Variants in ZNF558 observed in about 807,000 individuals in gnomAD.
ZNF558 encodes the protein zinc finger protein 558.
Under a neutral mutation model 37.6 loss-of-function variants are expected in ZNF558, and 23 were observed. The observed-to-expected ratio is 0.61, with a 90% CI of 0.44 to 0.87. The LOEUF is 0.87. Among genes scored for constraint, ZNF558 ranks in the 40% least tolerant of loss-of-function variants. ZNF558 has a pLI of 0.00. For missense variants in ZNF558, 429 were observed against 483.7 expected, an observed-to-expected ratio of 0.89 and a Z score of 1.06; for synonymous variants, 189 against 174.4, an observed-to-expected ratio of 1.08 and a Z score of -0.66.
chr19:8,821,840 C>T (rs2044100499), intron 6 of ZNF558, 163 bp downstream of exon 6: 36 of 1,470,106 alleles, frequency 2.4e-5, no homozygotes, highest in Non-Finnish European at 3.1e-5. Context: ...TGTTGACACA[C>T]ACTGACATTT....
chr19:8,813,569 G>C (rs782039950), intron 7 of ZNF558, among the ~76,000 whole-genome samples: 4 of 152,132 alleles, frequency 2.6e-5, no homozygotes, highest in Non-Finnish European at 4.4e-5. Flanking sequence ...ATATTGGCCA[G>C]GCAGGTCTTG....
At chr19:8,828,683 C>A (rs974083689) in intron 2 of ZNF558, among the ~76,000 whole-genome samples, 1 of 152,088 alleles carries the variant, frequency 6.6e-6, no homozygotes, top group Non-Finnish European at 1.5e-5. Flanking sequence ...CTTGCCTAGC[C>A]GGGCACGGTG....
Position 8,806,731 on chromosome 19 carries a change from A to T in ZNF558, c.*4550T>A, listed in dbSNP as rs2043707358. Reference sequence around the variant, plus strand: ...AAAAAAAAATATTCCCTCCCATTGGAAAACATTGTTGCCTTCAGTTTTGAA... The same window carrying T: ...AAAAAAAAATATTCCCTCCCATTGGTAAACATTGTTGCCTTCAGTTTTGAA... On this transcript the variant is annotated 3_prime_UTR_variant, in exon 10 of 10. Transcript: ENST00000601372. The T allele has an allele frequency of 1.3e-5, 2 of 151,754 alleles. No individual in the cohort carries two copies. The highest frequency in any genetic ancestry group is 4.8e-5 in the African/African-American group (2 of 41,318). The allele number at this position is 151,754 out of a possible 1,614,324, so 9.4% of individuals were successfully genotyped here. A position where few individuals can be genotyped will look rare whatever the true frequency, so the allele number is the denominator to read the frequency against.
At chr19:8,833,285 A>C (rs1042390843), upstream of ZNF558, 1 of 152,242 alleles carries the variant, frequency 6.6e-6, no homozygotes, top group Non-Finnish European at 1.5e-5. Flanking sequence ...TGCTTTCCCA[A>C]GGCAGAACAT....
intron 7 of ZNF558, among the ~76,000 whole-genome samples, chr19:8,817,240 A>T (rs973903543): frequency 2.0e-5 from 3 of 152,158 alleles, no homozygotes; most frequent in Admixed American, 2.0e-4. Flanking sequence ...AAATAACCCA[A>T]TTACAGATGG....
At chr19:8,824,834 C>G (rs1031678902) in intron 3 of ZNF558, among the ~76,000 whole-genome samples, 168 bp downstream of exon 3, 5 of 152,198 alleles carry the variant, frequency 3.3e-5, no homozygotes, top group Admixed American at 6.5e-5. Flanking sequence ...ATGAGCCCAT[C>G]CTTGGGGTAC....
At position 8,811,799 on chromosome 19, in the gene ZNF558, T is replaced by A. The variant is rs782080561; in HGVS notation, c.691A>T (p.Thr231Ser). 6.2e-7 allele frequency: 1 copy of A among 1,614,222 alleles called. No homozygotes were observed. Among genetic ancestry groups the A allele is most frequent in the Admixed American group, 1.7e-5 (1 of 60,018 alleles). The change falls in exon 10 of 10, where the codon ACT (threonine) becomes TCT (serine). Residue 231 changes from threonine (T) to serine (S), a missense_variant. Thr to Ser is a moderately conservative substitution (Grantham distance 58, BLOSUM62 1). Transcript: ENST00000601372. ...SSLRLHLRIH[T>S]GEKPYECNQC... ...TTACATTCATAGGGTTTTTCTCCAG[T>A]GTGAATTCTCAAATGCAGTCTAAGG... is the stretch of plus-strand genomic sequence containing the variant.
Position 8,807,929 on chromosome 19 carries a change from G to A in ZNF558, c.*3352C>T, listed in dbSNP as rs1168075535. On this transcript the variant is annotated 3_prime_UTR_variant, in exon 10 of 10. Coordinates refer to ENST00000601372, the MANE Select transcript of ZNF558 (RefSeq NM_144693.3). ...TCTTGGCTCTACCATTTACCAGTCA[G>A]TGAATGCAGGCAAGTAACTTAAGTG... 1 of 152,192 alleles carries A rather than the reference G, an allele frequency of 6.6e-6. No individual in the cohort carries two copies. The highest frequency in any genetic ancestry group is 2.4e-5 in the African/African-American group (1 of 41,432). 9.4% of individuals were successfully genotyped at this position (152,192 alleles called of 1,614,324 possible).
At chr19:8,827,857 A>G (rs1198337733) in intron 2 of ZNF558, among the ~76,000 whole-genome samples, 1 of 152,094 alleles carries the variant, frequency 6.6e-6, no homozygotes, top group Non-Finnish European at 1.5e-5. Context: ...TACAGGTGTG[A>G]GCCACTGCGC....
At chr19:8,819,049 T>G (rs1161555330) in intron 7 of ZNF558, among the ~76,000 whole-genome samples, 1 of 152,220 alleles carries the variant, frequency 6.6e-6, no homozygotes, top group Non-Finnish European at 1.5e-5. Flanking sequence ...GTGGAATTGT[T>G]AACACTAGAA....
intron 2 of ZNF558, among the ~76,000 whole-genome samples, chr19:8,829,245 G>A (rs934542057): frequency 1.3e-5 from 2 of 151,202 alleles, no homozygotes; most frequent in African/African-American, 2.5e-5. Context: ...GGGTAACAGA[G>A]TGAGACTCCA....
At chr19:8,829,742 T>TG (rs1191782300) in intron 2 of ZNF558, among the ~76,000 whole-genome samples, 1 of 152,186 alleles carries the variant, frequency 6.6e-6, no homozygotes, top group Non-Finnish European at 1.5e-5. Flanking sequence ...TGAGGATGGT[T>TG]GGTCACCATT....
intron 7 of ZNF558, among the ~76,000 whole-genome samples, chr19:8,819,216 G>A (rs188611245): frequency 2.6e-3 from 403 of 152,248 alleles, no homozygotes; most frequent in African/African-American, 5.4e-3. Flanking sequence ...ACGGAGTCTC[G>A]TTCTGTCGCC....
At chr19:8,819,665 C>T (rs1272511642) in intron 7 of ZNF558, among the ~76,000 whole-genome samples, 8 of 151,894 alleles carry the variant, frequency 5.3e-5, no homozygotes, top group African/African-American at 7.3e-5. Flanking sequence ...GGACTGGGAG[C>T]GGTGGCTCAC....
In ZNF558 at chr19:8,807,317, T is replaced by C. The variant is rs1406394470; in HGVS notation, c.*3964A>G. 1.3e-5 allele frequency: 2 copies of C among 152,278 alleles called. No homozygotes were observed. The highest frequency in any genetic ancestry group is 2.9e-5 in the Non-Finnish European group (2 of 68,166). 9.4% of individuals were successfully genotyped at this position (152,278 alleles called of 1,614,324 possible). On this transcript the variant is annotated 3_prime_UTR_variant, in exon 10 of 10. Coordinates refer to ENST00000601372, the MANE Select transcript of ZNF558 (RefSeq NM_144693.3). ...CTAAGCTGCTGGGTGCTTTACAACT[T>C]TTTGTGGTTTCCCTGGATCCTGTCC...
intron 7 of ZNF558, among the ~76,000 whole-genome samples, chr19:8,820,727 C>T (rs1345494370): frequency 1.3e-5 from 2 of 152,174 alleles, no homozygotes; most frequent in African/African-American, 2.4e-5. Context: ...CCGCCCGCCT[C>T]GGCCTCCCAA....
chr19:8,822,558 T>G lies in ZNF558; in HGVS notation c.31+71A>C. 6.2e-7 allele frequency: 1 copy of G among 1,607,910 alleles called. No individual in the cohort carries two copies. The highest frequency in any genetic ancestry group is 2.2e-5 in the East Asian group (1 of 44,686). ...CCTCACCTGCTCTGCCCAACCCCGC[T>G]CGTGTCCCATGCTGTGGGTCAGAAC... On this transcript the variant is annotated intron_variant, in intron 5 of 9. Coordinates refer to ENST00000601372, the MANE Select transcript of ZNF558 (RefSeq NM_144693.3). This position sits in a 1 kb window ranked among gnomAD's most constrained non-coding sequence, Gnocchi z 4.4.
chr19:8,815,614 C>T (rs1224477031), intron 7 of ZNF558, among the ~76,000 whole-genome samples: 1 of 152,000 alleles, frequency 6.6e-6, no homozygotes, highest in African/African-American at 2.4e-5. Context: ...GATCCTGACT[C>T]TACAAAAAAT....
intron 7 of ZNF558, among the ~76,000 whole-genome samples, chr19:8,818,633 G>GA (rs1157643175): frequency 1.3e-5 from 2 of 152,010 alleles, no homozygotes; most frequent in African/African-American, 4.8e-5. Flanking sequence ...GACAAGAAGT[G>GA]AAAAAGAAGA....
Sources: allele counts gnomAD v4.1 joint callset (sites outside exome capture counted in the v4.1 genomes callset), GRCh38; gene constraint gnomAD v4.1.1; non-coding constraint Gnocchi (gnomAD v3.1); transcripts MANE v1.5; gene names NCBI Gene and HGNC (gene_info 2026-07-23, HGNC 2026-07-21).